NALF1: variants seen among roughly 807,000 people sequenced by gnomAD.
The protein encoded by NALF1 is NALCN channel auxiliary factor 1, also known as family with sequence similarity 155 member A.
In NALF1, 3 loss-of-function variants were observed where a neutral mutation model predicts 48.4. The ratio of observed to expected loss-of-function variants is 0.06; its 90% CI spans 0.03 to 0.16. The LOEUF (loss-of-function observed/expected upper bound fraction) is 0.16. Ranked by LOEUF, NALF1 falls within the 10% of genes least tolerant of loss-of-function variation. NALF1 has a pLI of 1.00. For synonymous variants in NALF1, 262 were observed against 245.7 expected, an observed-to-expected ratio of 1.07 and a Z score of -0.62; for missense variants, 526 against 571.5, an observed-to-expected ratio of 0.92 and a Z score of 0.81.
chr13:107,854,798 C>T (rs541995612), intron 1 of NALF1, among the ~76,000 whole-genome samples: 59 of 150,686 alleles, frequency 3.9e-4, no homozygotes, highest in Admixed American at 2.0e-3. Flanking sequence ...TGCTTGAACC[C>T]GGGAGGCGGC....
intron 1 of NALF1, among the ~76,000 whole-genome samples, chr13:107,515,242 A>C (rs1594104542): frequency 6.6e-6 from 1 of 152,344 alleles, no homozygotes; most frequent in East Asian, 1.9e-4. Flanking sequence ...GAATGATGAC[A>C]GTGATGACAG....
At chr13:107,283,721 G>A (rs534801606) in intron 1 of NALF1, among the ~76,000 whole-genome samples, 8 of 151,632 alleles carry the variant, frequency 5.3e-5, no homozygotes, top group East Asian at 3.9e-4. Context: ...GTGCAGTGGC[G>A]CAAACTCGGT....
intron 1 of NALF1, among the ~76,000 whole-genome samples, chr13:107,556,664 TTTA>T (rs1877492784): frequency 1.3e-5 from 1 of 79,432 alleles, no homozygotes; most frequent in South Asian, 4.6e-4. Context: ...GCTTTTTGTA[TTTA>T]TTAGAGACGG....
chr13:107,761,313 C>T (rs1431770480), intron 1 of NALF1, among the ~76,000 whole-genome samples: 3 of 151,284 alleles, frequency 2.0e-5, no homozygotes, highest in South Asian at 2.1e-4. Context: ...GCTGAGATCG[C>T]GCCACTGCAC....
At chr13:107,516,429 T>C (rs1052767479) in intron 1 of NALF1, among the ~76,000 whole-genome samples, 1 of 152,204 alleles carries the variant, frequency 6.6e-6, no homozygotes, top group African/African-American at 2.4e-5. Flanking sequence ...GAAGTTGACT[T>C]TAAATATAAG....
intron 1 of NALF1, among the ~76,000 whole-genome samples, chr13:107,768,524 T>G (rs184530392): frequency 3.3e-5 from 5 of 152,252 alleles, no homozygotes; most frequent in African/African-American, 1.2e-4. Flanking sequence ...TTCTACTAAG[T>G]GAGATTTCCA....
intron 1 of NALF1, among the ~76,000 whole-genome samples, chr13:107,496,870 C>T (rs536070860): frequency 4.5e-4 from 68 of 152,220 alleles, no homozygotes; most frequent in African/African-American, 1.3e-3. Flanking sequence ...TTCACTATCA[C>T]GAGAACAGCA....
rs569703681 is a variant in NALF1, at chr13:107,381,516, G to T, written c.916-170761C>A. Reference sequence around the variant, plus strand: ...CGGTAGAAAACAGATTTCCAAAAAAGGGTATTATAGCCCTTTCTGCCACCT... The same window carrying T: ...CGGTAGAAAACAGATTTCCAAAAAATGGTATTATAGCCCTTTCTGCCACCT... On this transcript the variant is annotated intron_variant, in intron 1 of 2. Coordinates refer to ENST00000375915, the MANE Select transcript of NALF1 (RefSeq NM_001080396.3). 2.0e-5 allele frequency among the ~76,000 whole-genome samples: 3 copies of T among 152,208 alleles called. No individual in the cohort carries two copies. In the East Asian group the frequency reaches 5.8e-4, roughly 29 times the overall value.
Position 107,209,124 on chromosome 13 carries a change from T to G in NALF1, c.1087+1460A>C, listed in dbSNP as rs1184874527. Among the ~76,000 whole-genome samples, 2 of 152,204 alleles carry G rather than the reference T, an allele frequency of 1.3e-5. 1 individual carries two copies. Among genetic ancestry groups the G allele is most frequent in the Non-Finnish European group, 2.9e-5 (2 of 68,038 alleles). On this transcript the variant is annotated intron_variant, in intron 2 of 2. Transcript: ENST00000375915. Reference sequence around the variant, plus strand: ...TTTACTAGTGAAGGGGTGGTGCCTCTGAGAGAATGTACAATAGAAACAGGA... The same window carrying G: ...TTTACTAGTGAAGGGGTGGTGCCTCGGAGAGAATGTACAATAGAAACAGGA...
Position 107,801,588 on chromosome 13 carries a change from T to C in NALF1, c.915+64094A>G, listed in dbSNP as rs1407852486. ...GGAAAATATAAATCAGTGCATCCAT[T>C]CCTTACAAGGTTTTCCTAGAAACTG... On this transcript the variant is annotated intron_variant, in intron 1 of 2. Transcript: ENST00000375915. Among the ~76,000 whole-genome samples, 9 of 152,170 alleles carry C rather than the reference T, an allele frequency of 5.9e-5. 1 individual carries two copies. Among genetic ancestry groups the C allele is most frequent in the Admixed American group, 5.9e-4 (9 of 15,276 alleles).
At chr13:107,248,354 C>A (rs1344810787) in intron 1 of NALF1, among the ~76,000 whole-genome samples, 2 of 151,982 alleles carry the variant, frequency 1.3e-5, no homozygotes, top group African/African-American at 4.8e-5. Context: ...AGGTTAGAAC[C>A]TATCATTCCT....
At chr13:107,479,686 T>C (rs1371203361) in intron 1 of NALF1, among the ~76,000 whole-genome samples, 1 of 152,176 alleles carries the variant, frequency 6.6e-6, no homozygotes. Flanking sequence ...TCTAATTACA[T>C]GCACCACCAA....
intron 1 of NALF1, among the ~76,000 whole-genome samples, chr13:107,408,172 TA>T (rs1883931766): frequency 6.6e-6 from 1 of 151,910 alleles, no homozygotes; most frequent in African/African-American, 2.4e-5. Flanking sequence ...AAAAAATAGT[TA>T]AAAATAACGA....
At chr13:107,428,885 T>C (rs556726113) in intron 1 of NALF1, among the ~76,000 whole-genome samples, 1 of 152,328 alleles carries the variant, frequency 6.6e-6, no homozygotes, top group South Asian at 2.1e-4. Flanking sequence ...TTCCATATAA[T>C]GGCTTAAGTG....
chr13:107,325,773 G>A (rs895860577), intron 1 of NALF1, among the ~76,000 whole-genome samples: 13 of 148,556 alleles, frequency 8.8e-5, no homozygotes, highest in African/African-American at 3.0e-4. Context: ...CCTGGTAGGC[G>A]GAAGTTGTAG....
chr13:107,671,234 A>C (rs1307743195), intron 1 of NALF1, among the ~76,000 whole-genome samples: 2 of 152,188 alleles, frequency 1.3e-5, no homozygotes, highest in Non-Finnish European at 2.9e-5. Context: ...GTGAACTCAT[A>C]ATTAAAATAT....
In NALF1 at chr13:107,443,395, T is replaced by A. The variant is rs574777201; in HGVS notation, c.916-232640A>T. 3.3e-5 allele frequency among the ~76,000 whole-genome samples: 5 copies of A among 152,210 alleles called. No individual in the cohort carries two copies. In the East Asian group the frequency reaches 9.7e-4, roughly 29 times the overall value. On this transcript the variant is annotated intron_variant, in intron 1 of 2. Transcript: ENST00000375915. The stretch of plus-strand genomic sequence containing the variant: ...CACACCCAGTTAATTTTTTGTATTT[T>A]TAGTAGAGGCAGATTCTTGCTATGT...
chr13:107,577,724 T>C (rs1232121021), intron 1 of NALF1, among the ~76,000 whole-genome samples: 6 of 152,156 alleles, frequency 3.9e-5, no homozygotes, highest in South Asian at 2.1e-4. Context: ...ACCTGTATGT[T>C]GTAAAGACCA....
intron 1 of NALF1, among the ~76,000 whole-genome samples, chr13:107,354,008 C>A (rs1488279420): frequency 6.6e-6 from 1 of 152,096 alleles, no homozygotes; most frequent in Admixed American, 6.6e-5. Context: ...GATGAGACAG[C>A]CAAGGTTCTG....
Sources: gnomAD v4.1 joint callset for allele counts (sites outside exome capture counted in the v4.1 genomes callset) on GRCh38, gnomAD v4.1.1 for gene constraint, MANE v1.5 for transcripts, NCBI Gene and HGNC (gene_info 2026-07-23, HGNC 2026-07-21) for gene names.